The following CMC1 variants were observed in gnomAD, a reference collection of about 807,000 sequenced individuals.
CMC1 encodes C-X9-C motif containing 1.
CMC1 carries 14 observed loss-of-function variants against 14.1 expected under a neutral mutation model. The ratio of observed to expected loss-of-function variants is 0.99; its 90% CI spans 0.66 to 1.55. The LOEUF (loss-of-function observed/expected upper bound fraction) is 1.55. Among genes scored for constraint, CMC1 ranks in the 40% most tolerant of loss-of-function variants. CMC1 has a pLI of 0.00. For missense variants in CMC1, 127 were observed against 123.8 expected (o/e 1.03, Z -0.12); for synonymous variants, 50 against 38.4 (o/e 1.30, Z -1.12).
chr3:28,296,857 G>A (rs1224016087), intron 2 of CMC1, among the ~76,000 whole-genome samples: 2 of 151,956 alleles, frequency 1.3e-5, no homozygotes, highest in African/African-American at 4.8e-5. Flanking sequence ...AAGGTTTGTT[G>A]TTTTACATTT....
In CMC1 at chr3:28,324,648, T is replaced by C. The variant is rs1703314647; in HGVS notation, c.*5019T>C. On this transcript the variant is annotated 3_prime_UTR_variant, in exon 4 of 4. Transcript: ENST00000466830. The stretch of plus-strand genomic sequence containing the variant: ...TTTTAATCCTGGATCAGCAATTTAC[T>C]GTGACTTTAGATATTTGTCTCTTAG... 2.3e-6 allele frequency: 1 copy of C among 438,724 alleles called. No homozygotes were observed. The highest frequency in any genetic ancestry group is 3.9e-6 in the Non-Finnish European group (1 of 257,510). The allele number at this position is 438,724 out of a possible 1,614,324, so 27.2% of individuals were successfully genotyped here. A position where few individuals can be genotyped will look rare whatever the true frequency, so the allele number is the denominator to read the frequency against.
chr3:28,298,181 C>G (rs953996892), intron 2 of CMC1: 2 of 151,040 alleles, frequency 1.3e-5, no homozygotes, highest in African/African-American at 4.8e-5. Context: ...TCAGATCTGT[C>G]AAGTTTTGAT....
At chr3:28,289,759 A>G (rs1391499762) in intron 2 of CMC1, among the ~76,000 whole-genome samples, 1 of 152,016 alleles carries the variant, frequency 6.6e-6, no homozygotes, top group Non-Finnish European at 1.5e-5. Flanking sequence ...GTTGTGGGGG[A>G]AAACAACATC....
chr3:28,279,238 C>G (rs1241399560), intron 2 of CMC1, among the ~76,000 whole-genome samples: 1 of 152,166 alleles, frequency 6.6e-6, no homozygotes, highest in African/African-American at 2.4e-5. Flanking sequence ...AACAAAACCC[C>G]TCAGTCTTGT....
At chr3:28,281,977 C>G (rs1016040523) in intron 2 of CMC1, among the ~76,000 whole-genome samples, 1 of 152,036 alleles carries the variant, frequency 6.6e-6, no homozygotes, top group East Asian at 1.9e-4. Context: ...AGAGTCAAGG[C>G]TGATTTTGGA....
rs1702922131 is a variant in CMC1, at chr3:28,316,404, A to C, written c.181A>C (p.Lys61Gln). 6.3e-7 allele frequency: 1 copy of C among 1,595,246 alleles called. No homozygotes were observed. Among genetic ancestry groups the C allele is most frequent in the Non-Finnish European group, 8.5e-7 (1 of 1,169,918 alleles). ...VKCRKENSAL[K>Q]ECLTAYYNDP... ...ATGCCGGAAAGAAAATTCTGCATTG[A>C]AAGAATGTCTAACTGCTTAGTAAGT... is the stretch of plus-strand genomic sequence containing the variant. Residue 61 changes from lysine (K) to glutamine (Q), a missense_variant, in exon 3 of 4, where the codon AAA (lysine) becomes CAA (glutamine). By Grantham distance (53) the Lys-to-Gln change is moderately conservative (BLOSUM62 1). Transcript: ENST00000466830.
intron 2 of CMC1, among the ~76,000 whole-genome samples, chr3:28,298,744 C>G (rs1701875962): frequency 6.6e-6 from 1 of 151,950 alleles, no homozygotes; most frequent in African/African-American, 2.4e-5. Flanking sequence ...ATTTCATGTT[C>G]TGTTTAGTAG....
At chr3:28,263,648 G>A (rs1257194700) in intron 2 of CMC1, among the ~76,000 whole-genome samples, 2 of 151,916 alleles carry the variant, frequency 1.3e-5, no homozygotes, top group Admixed American at 1.3e-4. Context: ...GGAAAAACTT[G>A]GTATGAGTAA....
chr3:28,308,115 T>A (rs1211156535), intron 2 of CMC1, among the ~76,000 whole-genome samples: 2 of 152,212 alleles, frequency 1.3e-5, no homozygotes, highest in African/African-American at 2.4e-5. Flanking sequence ...CAAAGTTAAT[T>A]CTGTCTGCAT....
At chr3:28,293,501 A>G (rs1180051866) in intron 2 of CMC1, among the ~76,000 whole-genome samples, 1 of 152,222 alleles carries the variant, frequency 6.6e-6, no homozygotes, top group African/African-American at 2.4e-5. Flanking sequence ...GTAAGATATC[A>G]AGAAGATACT....
At chr3:28,244,493 C>T (rs888418165) in intron 1 of CMC1, among the ~76,000 whole-genome samples, 34 of 152,050 alleles carry the variant, frequency 2.2e-4, no homozygotes, top group African/African-American at 7.7e-4. Context: ...TTTGGGAGGC[C>T]GAGGCAGGCA....
chr3:28,276,298 G>T (rs1700587765), intron 2 of CMC1, among the ~76,000 whole-genome samples: 1 of 152,120 alleles, frequency 6.6e-6, no homozygotes, highest in Admixed American at 6.5e-5. Context: ...TGAGAATTTT[G>T]TCAGGATGGA....
At chr3:28,302,799 G>A (rs973196459) in intron 2 of CMC1, among the ~76,000 whole-genome samples, 1 of 152,134 alleles carries the variant, frequency 6.6e-6, no homozygotes, top group African/African-American at 2.4e-5. Flanking sequence ...GTGATACAAT[G>A]TGATGAACCA....
At chr3:28,252,106 A>G (rs1415946407) in intron 1 of CMC1, among the ~76,000 whole-genome samples, 1 of 152,216 alleles carries the variant, frequency 6.6e-6, no homozygotes, top group Non-Finnish European at 1.5e-5. Flanking sequence ...GCTTTGGTAT[A>G]CTTTTAAATA....
chr3:28,266,075 T>C (rs1347901106), intron 2 of CMC1, among the ~76,000 whole-genome samples: 3 of 152,180 alleles, frequency 2.0e-5, no homozygotes, highest in Non-Finnish European at 4.4e-5. Context: ...GGTTGCTATA[T>C]TCTTACTAGT....
chr3:28,324,393 C>T lies in CMC1; in HGVS notation c.*4764C>T, dbSNP rs772925245. The T allele has an allele frequency of 6.4e-7, 1 of 1,556,172 alleles. No individual in the cohort carries two copies. Among genetic ancestry groups the T allele is most frequent in the East Asian group, 2.3e-5 (1 of 44,356 alleles). On this transcript the variant is annotated 3_prime_UTR_variant, in exon 4 of 4. Coordinates refer to ENST00000466830, the MANE Select transcript of CMC1 (RefSeq NM_182523.2). ...GTCTTGTGTATGTTGCAGTAAAATTCATCAAGTGCAGTTTTGTGCTGTCTC... is the reference window on the plus strand; with the variant it reads ...GTCTTGTGTATGTTGCAGTAAAATTTATCAAGTGCAGTTTTGTGCTGTCTC...
chr3:28,286,393 T>C (rs1366033531), intron 2 of CMC1, among the ~76,000 whole-genome samples: 5 of 152,190 alleles, frequency 3.3e-5, no homozygotes, highest in African/African-American at 1.2e-4. Context: ...AATTGGATTC[T>C]TCACTTTTTT....
chr3:28,308,005 T>C (rs966827487), intron 2 of CMC1, among the ~76,000 whole-genome samples: 2 of 152,220 alleles, frequency 1.3e-5, no homozygotes, highest in Non-Finnish European at 2.9e-5. Flanking sequence ...TCATCTCATC[T>C]CTTTTCTCCT....
At chr3:28,309,855 A>G (rs1036687875) in intron 2 of CMC1, among the ~76,000 whole-genome samples, 82 of 126,734 alleles carry the variant, frequency 6.5e-4, no homozygotes, top group Non-Finnish European at 1.1e-3. Context: ...ACACACACAC[A>G]CACACAAGCT....
Sources: gnomAD v4.1 joint callset for allele counts (sites outside exome capture counted in the v4.1 genomes callset) on GRCh38, gnomAD v4.1.1 for gene constraint, MANE v1.5 for transcripts, NCBI Gene and HGNC (gene_info 2026-07-23, HGNC 2026-07-21) for gene names.